RUSC2: variants seen among roughly 807,000 people sequenced by gnomAD.
RUSC2 encodes RUN and SH3 domain containing 2, also known as AP-4 complex accessory subunit RUSC2.
A neutral mutation model predicts 122.2 loss-of-function variants in RUSC2; 34 were observed. The observed-to-expected ratio is 0.28, with a 90% confidence interval of 0.21 to 0.37. RUSC2 has a LOEUF of 0.37. RUSC2 is among the 10% of genes least tolerant of loss of function. RUSC2 has a pLI of 1.00. For missense variants in RUSC2, 1,747 were observed against 1,952.4 expected, an observed-to-expected ratio of 0.89 and a Z score of 1.98; for synonymous variants, 784 against 790.0, an observed-to-expected ratio of 0.99 and a Z score of 0.13.
chr9:35,554,155 G>A (rs1485682298), intron 2 of RUSC2, among the ~76,000 whole-genome samples: 3 of 151,858 alleles, frequency 2.0e-5, no homozygotes, highest in Admixed American at 6.6e-5. Flanking sequence ...ACGTTTATTC[G>A]GAGATCTACA....
Position 35,561,067 on chromosome 9 carries a change from A to G in RUSC2, c.4319A>G (p.His1440Arg), listed in dbSNP as rs1391401749. The G allele has an allele frequency of 1.9e-6, 3 of 1,613,914 alleles. No individual in the cohort carries two copies. Among genetic ancestry groups the G allele is most frequent in the Admixed American group, 1.7e-5 (1 of 60,010 alleles). ...PEPKESLQEPHSPALPSSPPC... is the reference protein window; with the variant it reads ...PEPKESLQEPRSPALPSSPPC... ...CCCAAGGAGAGCCTGCAGGAGCCAC[A>G]CTCCCCAGCCCTGCCCTCCAGTCCT... The change falls in exon 11 of 12, where the codon CAC (histidine) becomes CGC (arginine). Residue 1440 changes from histidine (H) to arginine (R), a missense_variant. By Grantham distance (29) the His-to-Arg change is conservative. Transcript: ENST00000361226.
chr9:35,560,984 G>A lies in RUSC2; in HGVS notation c.4236G>A (p.Leu1412=). 6.2e-7 allele frequency: 1 copy of A among 1,614,196 alleles called. No homozygotes were observed. Among genetic ancestry groups the A allele is most frequent in the East Asian group, 2.2e-5 (1 of 44,886 alleles). The change falls in exon 11 of 12, where the codon CTG becomes CTA. Residue 1412 remains leucine (L), a synonymous_variant. Coordinates refer to ENST00000361226, the MANE Select transcript of RUSC2 (RefSeq NM_014806.5). ...TNRLPSDWLS[L]DKSMFQLVAQ... ...GGCTCCCCTCGGACTGGCTGAGCCT[G>A]GACAAGTCCATGTTCCAACTAGTGG...
intron 2 of RUSC2, among the ~76,000 whole-genome samples, chr9:35,553,838 T>C (rs1392590332): frequency 6.6e-6 from 1 of 152,094 alleles, no homozygotes; most frequent in Admixed American, 6.5e-5. Flanking sequence ...GTGGTCCCCA[T>C]CCCCTCTGAC....
chr9:35,497,883 C>T (rs938407348), intron 1 of RUSC2, among the ~76,000 whole-genome samples: 10 of 152,134 alleles, frequency 6.6e-5, no homozygotes, highest in Non-Finnish European at 1.2e-4. Context: ...CACACTTAGA[C>T]GGAACTTTGT....
intron 1 of RUSC2, among the ~76,000 whole-genome samples, chr9:35,530,358 T>A (rs1821397116): frequency 6.6e-6 from 1 of 152,116 alleles, no homozygotes; most frequent in East Asian, 1.9e-4. Flanking sequence ...CATCTAGAAA[T>A]GTACCGTCAT....
intron 1 of RUSC2, among the ~76,000 whole-genome samples, chr9:35,524,986 C>G (rs7040870): frequency 0.52 from 77,980 of 149,872 alleles, 20,368 homozygotes; most frequent in East Asian, 0.57. Context: ...AAAAAAAAAA[C>G]TCTGGTAATC....
rs150587705 is a variant in RUSC2 at position 35,561,106 on chromosome 9, G to A, written c.4349+9G>A. On this transcript the variant is annotated intron_variant, in intron 11 of 11. Coordinates refer to ENST00000361226, the MANE Select transcript of RUSC2 (RefSeq NM_014806.5). ...CCCTCCAGTCCTCCGTGGTAAGCCT[G>A]GGGAAACGGAAGGGCTGAGGGGGGC... 70 of 1,613,770 alleles carry A rather than the reference G, an allele frequency of 4.3e-5. No individual in the cohort carries two copies. The highest frequency in any genetic ancestry group is 3.1e-5 in the Non-Finnish European group (36 of 1,179,846).
chr9:35,548,521 G>T lies in RUSC2; in HGVS notation c.2000G>T (p.Arg667Ile). ...PANSHTQRDA[R>I]ARADGGGTES... ...AACAGCCATACCCAGAGGGATGCAA[G>T]AGCTAGAGCTGACGGTAAGGAGCCT... The change falls in exon 2 of 12, where the codon AGA becomes ATA. Residue 667 changes from arginine to isoleucine, a missense_variant. Coordinates refer to ENST00000361226, the MANE Select transcript of RUSC2 (RefSeq NM_014806.5). The surrounding 1 kb of genome is among the most constrained non-coding windows in gnomAD (Gnocchi z 4.5). The T allele has an allele frequency of 6.2e-7, 1 of 1,611,312 alleles. No homozygotes were observed.
In RUSC2 at chr9:35,547,427, CCCACAG is replaced by C. The variant is rs767819024; in HGVS notation, c.907_912del (p.Pro303_Gln304del). 20 of 1,614,214 alleles carry C rather than the reference CCCACAG, an allele frequency of 1.2e-5. No individual in the cohort carries two copies. Among genetic ancestry groups the C allele is most frequent in the Non-Finnish European group, 1.7e-5 (20 of 1,180,036 alleles). On this transcript the variant is annotated inframe_deletion, in exon 2 of 12. Transcript: ENST00000361226. The surrounding 1 kb of genome is among the most constrained non-coding windows in gnomAD (Gnocchi z 4.6). The stretch of plus-strand genomic sequence containing the variant: ...CCCCCCGTGCCAATCTCAACTCTGC[CCCACAG>C]TCCTGCAGCGACTCTTCCTTCTGCA...
Position 35,548,274 on chromosome 9 carries a change from G to A in RUSC2, c.1753G>A (p.Ala585Thr), listed in dbSNP as rs374080948. The A allele has an allele frequency of 6.2e-7, 1 of 1,613,948 alleles. No individual in the cohort carries two copies. The highest frequency in any genetic ancestry group is 2.2e-5 in the East Asian group (1 of 44,876). The part of the protein sequence containing the change: ...PIQEAQQDRG[A>T]PLDEGTCCSH... ...CCAAGAAGCCCAGCAAGATCGGGGGGCCCCACTGGATGAGGGCACTTGCTG... is the reference window on the plus strand; with the variant it reads ...CCAAGAAGCCCAGCAAGATCGGGGGACCCCACTGGATGAGGGCACTTGCTG... The change falls in exon 2 of 12, where the codon GCC (alanine) becomes ACC (threonine). Residue 585 changes from alanine to threonine, a missense_variant. Coordinates refer to ENST00000361226, the MANE Select transcript of RUSC2 (RefSeq NM_014806.5). This position sits in a 1 kb window ranked among gnomAD's most constrained non-coding sequence, Gnocchi z 4.5.
Position 35,561,493 on chromosome 9 carries a change from C to T in RUSC2, c.*111C>T, listed in dbSNP as rs1289127485. The T allele has an allele frequency of 3.5e-5, 30 of 861,728 alleles. No individual in the cohort carries two copies. The East Asian group carries it at 7.4e-4, about 21-fold the overall frequency. The allele number at this position is 861,728 out of a possible 1,614,324, so 53.4% of individuals were successfully genotyped here. On this transcript the variant is annotated 3_prime_UTR_variant, in exon 12 of 12. Coordinates refer to ENST00000361226, the MANE Select transcript of RUSC2 (RefSeq NM_014806.5). ...TGCAGAGTAGACTGAGAGCTGGGGC[C>T]ACGTATCCCTGTGCTGGCACCTGCT...
Position 35,555,665 on chromosome 9 carries a change from G to T in RUSC2, c.2620G>T (p.Gly874Cys). 8 of 1,603,716 alleles carry T rather than the reference G, an allele frequency of 5.0e-6. No individual in the cohort carries two copies. The highest frequency in any genetic ancestry group is 6.8e-6 in the Non-Finnish European group (8 of 1,179,414). Reference sequence around the variant, plus strand: ...CCGAGCAGAGAGCCTGGCCCGGGGAGGTGGTGAGGGCAGCATGGCCACCAG... The same window carrying T: ...CCGAGCAGAGAGCCTGGCCCGGGGATGTGGTGAGGGCAGCATGGCCACCAG... ...LSRAESLARG[G>C]GEGSMATRPS... is the part of the protein sequence containing the mutation. The change falls in exon 3 of 12, where the codon GGT becomes TGT. Residue 874 changes from glycine (G) to cysteine (C), a missense_variant. Gly to Cys is a radical substitution (Grantham distance 159). Coordinates refer to ENST00000361226, the MANE Select transcript of RUSC2 (RefSeq NM_014806.5). The surrounding 1 kb of genome is among the most constrained non-coding windows in gnomAD (Gnocchi z 4.6).
rs775896919 is a variant in RUSC2, at chr9:35,556,329, C to G, written c.2864C>G (p.Pro955Arg). The change falls in exon 5 of 12, where the codon CCA (proline) becomes CGA (arginine). Residue 955 changes from proline to arginine, a missense_variant. Coordinates refer to ENST00000361226, the MANE Select transcript of RUSC2 (RefSeq NM_014806.5). Reference protein sequence around the residue: ...RLNGQAVKPLPLTCPDFQDPF... With the variant: ...RLNGQAVKPLRLTCPDFQDPF... ...CCAGGCCAAGCAGTGAAGCCGTTAC[C>G]ACTGACCTGCCCTGACTTCCAGGAC... 5.6e-6 allele frequency: 9 copies of G among 1,614,092 alleles called. No homozygotes were observed. The African/African-American group carries it at 1.2e-4, about 22-fold the overall frequency.
At chr9:35,559,918 C>T in intron 9 of RUSC2, 111 bp from the exon 10 acceptor site, 1 of 884,776 alleles carries the variant, frequency 1.1e-6, no homozygotes, top group Middle Eastern at 2.3e-4. Context: ...TTGACTAGTG[C>T]ACAGCCTGCA....
rs138677579 is a variant in RUSC2 at position 35,560,120 on chromosome 9, A to G, written c.3480A>G (p.Leu1160=). The G allele has an allele frequency of 5.6e-6, 9 of 1,612,454 alleles. No individual in the cohort carries two copies. The highest frequency in any genetic ancestry group is 3.3e-5 in the Admixed American group (2 of 60,012). Residue 1160 remains leucine (L), a synonymous_variant, in exon 10 of 12, where the codon CTA becomes CTG. Coordinates refer to ENST00000361226, the MANE Select transcript of RUSC2 (RefSeq NM_014806.5). ...PGLFEELLLL[L]QPLALLPFSL... ...TCTTTGAAGAGCTGCTGCTGCTGCT[A>G]CAGCCCCTGGCCCTGCTGCCCTTCA... is the stretch of plus-strand genomic sequence containing the variant.
At chr9:35,516,022 A>AAAAAAAAAAAAAGAAAG (rs1554724501) in intron 1 of RUSC2, among the ~76,000 whole-genome samples, 2 of 127,116 alleles carry the variant, frequency 1.6e-5, no homozygotes, top group Non-Finnish European at 3.3e-5. Context: ...AAAAAAAAAA[A>AAAAAAAAAAAAAGAAAG]AGAGAAATGC....
At chr9:35,525,512 A>G (rs985707714) in intron 1 of RUSC2, among the ~76,000 whole-genome samples, 3 of 152,042 alleles carry the variant, frequency 2.0e-5, no homozygotes, top group Non-Finnish European at 4.4e-5. Context: ...TTTAAAAAGA[A>G]TTTTTGGTCG....
intron 1 of RUSC2, among the ~76,000 whole-genome samples, chr9:35,529,533 G>T (rs962982756): frequency 6.7e-6 from 1 of 149,738 alleles, no homozygotes; most frequent in African/African-American, 2.5e-5. Context: ...CATACTAGAT[G>T]TGACAGTCAG....
At chr9:35,540,023 G>A (rs748212309) in intron 1 of RUSC2, among the ~76,000 whole-genome samples, 1 of 152,180 alleles carries the variant, frequency 6.6e-6, no homozygotes, top group African/African-American at 2.4e-5. Context: ...CAAAGCTAGA[G>A]GAAACCTTCT....
Sources: gnomAD v4.1 joint callset for allele counts (sites outside exome capture counted in the v4.1 genomes callset) on GRCh38, gnomAD v4.1.1 for gene constraint, Gnocchi (gnomAD v3.1) non-coding constraint, MANE v1.5 for transcripts, NCBI Gene and HGNC (gene_info 2026-07-23, HGNC 2026-07-21) for gene names.